The following TOP1 variants were observed in gnomAD, a reference collection of about 807,000 sequenced individuals.
The protein encoded by TOP1 is DNA topoisomerase I.
A neutral mutation model predicts 111.1 loss-of-function variants in TOP1; 10 were observed. That is an observed-to-expected ratio of 0.09 (90% CI 0.06 to 0.15). The LOEUF (loss-of-function observed/expected upper bound fraction) is 0.15, where lower values mean the gene tolerates loss of function less well. Among genes scored for constraint, TOP1 ranks in the 10% least tolerant of loss-of-function variants. The pLI, the probability that TOP1 is intolerant of heterozygous loss-of-function variation, is 1.00. For synonymous variants in TOP1, 271 were observed against 302.9 expected, an observed-to-expected ratio of 0.89 and a Z score of 1.10; for missense variants, 474 against 926.7, an observed-to-expected ratio of 0.51 and a Z score of 6.34.
chr20:41,103,318 C>CTAACTTAGATCTTCTTAGAATG (rs1325640297), intron 13 of TOP1, among the ~76,000 whole-genome samples: 1 of 152,174 alleles, frequency 6.6e-6, no homozygotes, highest in Admixed American at 6.5e-5. Context: ...GCTAGTAACT[C>CTAACTTAGATCTTCTTAGAATG]TAACTTAGAT....
At chr20:41,045,582 C>T (rs1174093497) in intron 2 of TOP1, among the ~76,000 whole-genome samples, 1 of 152,212 alleles carries the variant, frequency 6.6e-6, no homozygotes. Flanking sequence ...GTTGACAAAA[C>T]AGATGAACTT....
Position 41,122,238 on chromosome 20 carries a change from T to C in TOP1, c.2195+83T>C. 3 of 1,428,368 alleles carry C rather than the reference T, an allele frequency of 2.1e-6. No homozygotes were observed. Among genetic ancestry groups the C allele is most frequent in the South Asian group, 2.5e-5 (2 of 81,044 alleles). The allele number at this position is 1,428,368 out of a possible 1,614,324, so 88.5% of individuals were successfully genotyped here. A position where few individuals can be genotyped will look rare whatever the true frequency, so the allele number is the denominator to read the frequency against. On this transcript the variant is annotated intron_variant, in intron 20 of 20. Transcript: ENST00000361337. The surrounding 1 kb of genome is among the most constrained non-coding windows in gnomAD (Gnocchi z 5.4). ...TCCGAGAGCACTGGTGGCCTTCACA[T>C]GCCATTCCTAAGCTACACACTTTAG...
rs1212753161 is a variant in TOP1 at position 41,118,332 on chromosome 20, G to C, written c.1950+36G>C. On this transcript the variant is annotated intron_variant, in intron 18 of 20. Coordinates refer to ENST00000361337, the MANE Select transcript of TOP1 (RefSeq NM_003286.4). This position sits in a 1 kb window ranked among gnomAD's most constrained non-coding sequence, Gnocchi z 4.6. ...TAAAATGAAGGGAACTGTGTCTGCT[G>C]TGGGCAGATTATCTGCGAATGAGAG... 3.1e-6 allele frequency: 5 copies of C among 1,609,382 alleles called. No individual in the cohort carries two copies. The highest frequency in any genetic ancestry group is 1.1e-5 in the South Asian group (1 of 90,832).
intron 3 of TOP1, chr20:41,072,623 G>A (rs537777142): frequency 3.0e-6 from 3 of 985,288 alleles, no homozygotes; most frequent in Non-Finnish European, 3.6e-6. Flanking sequence ...TGGCAGTGGG[G>A]TTTGCTCTTT....
chr20:41,077,786 C>T (rs6124311), intron 5 of TOP1, 149 bp downstream of exon 5: 1 of 673,200 alleles, frequency 1.5e-6, no homozygotes. Context: ...AAGACTCGGT[C>T]TAAGCCAACC....
At position 41,100,223 on chromosome 20, in the gene TOP1, T is replaced by G; in HGVS notation, c.1143T>G (p.Asp381Glu). The stretch of plus-strand genomic sequence containing the variant: ...TGAAGAGACGAATCATGCCCGAGGA[T>G]ATAATCATCAACTGTAGCAAGTGAG... ...GMLKRRIMPE[D>E]IIINCSKDAK... The change falls in exon 12 of 21, where the codon GAT becomes GAG. Residue 381 changes from aspartate (D) to glutamate (E), a missense_variant. This residue lies in a region of TOP1 where 22 missense variants were observed against 30.4 expected (regional missense o/e 0.72). Transcript: ENST00000361337. The surrounding 1 kb of genome is among the most constrained non-coding windows in gnomAD (Gnocchi z 4.4). 1 of 1,613,600 alleles carries G rather than the reference T, an allele frequency of 6.2e-7. No individual in the cohort carries two copies. The highest frequency in any genetic ancestry group is 8.5e-7 in the Non-Finnish European group (1 of 1,179,774).
rs1158884313 is a variant in TOP1, at chr20:41,061,858, C to T, written c.155+368C>T. Reference sequence around the variant, plus strand: ...GGAGACCTGATTTTTTTTCTTCTTTCTATATTTTAAAGAGTTTACATTAAA... The same window carrying T: ...GGAGACCTGATTTTTTTTCTTCTTTTTATATTTTAAAGAGTTTACATTAAA... On this transcript the variant is annotated intron_variant, in intron 3 of 20. Transcript: ENST00000361337. The surrounding 1 kb of genome is among the most constrained non-coding windows in gnomAD (Gnocchi z 4.6). Among the ~76,000 whole-genome samples, 3 of 151,940 alleles carry T rather than the reference C, an allele frequency of 2.0e-5. No individual in the cohort carries two copies. The highest frequency in any genetic ancestry group is 4.4e-5 in the Non-Finnish European group (3 of 67,964).
At position 41,066,679 on chromosome 20, in the gene TOP1, C is replaced by T. The variant is rs1230940381; in HGVS notation, c.155+5189C>T. Among the ~76,000 whole-genome samples the T allele has an allele frequency of 7.3e-5, 11 of 151,426 alleles. No homozygotes were observed. In the East Asian group the frequency reaches 1.4e-3, roughly 19 times the overall value. On this transcript the variant is annotated intron_variant, in intron 3 of 20. Transcript: ENST00000361337. ...ATGCCATTCTCCTGCCTCAGCCTCC[C>T]GAGTAGCTGGGACTACAGGTGCCCG...
intron 8 of TOP1, among the ~76,000 whole-genome samples, chr20:41,089,797 A>G (rs537462610): frequency 6.6e-6 from 1 of 152,176 alleles, no homozygotes; most frequent in East Asian, 1.9e-4. Flanking sequence ...ACCTTCACCA[A>G]CACTTGTTAT....
At position 41,079,812 on chromosome 20, in the gene TOP1, A is replaced by G. The variant is rs190727133; in HGVS notation, c.336-273A>G. ...AGTGGTTCGTGCCATGCTGGCAAAG[A>G]TAGCTAAGAAATAGTGAGAAAGAAT... On this transcript the variant is annotated intron_variant, in intron 5 of 20. Transcript: ENST00000361337. The surrounding 1 kb of genome is among the most constrained non-coding windows in gnomAD (Gnocchi z 4.0). 6.0e-4 allele frequency among the ~76,000 whole-genome samples: 92 copies of G among 152,362 alleles called. No homozygotes were observed. Among genetic ancestry groups the G allele is most frequent in the African/African-American group, 2.0e-3 (85 of 41,582 alleles).
Position 41,101,676 on chromosome 20 carries a change from T to C in TOP1, c.1308+323T>C, listed in dbSNP as rs1049895717. On this transcript the variant is annotated intron_variant, in intron 13 of 20. Transcript: ENST00000361337. The surrounding 1 kb of genome is among the most constrained non-coding windows in gnomAD (Gnocchi z 4.1). ...TGCCTTCATATTGCTTAACGTCCAG[T>C]GGTCAGAATGTGTTGAAGTATGGTG... Among the ~76,000 whole-genome samples, 1 of 152,226 alleles carries C rather than the reference T, an allele frequency of 6.6e-6. No homozygotes were observed. The highest frequency in any genetic ancestry group is 1.5e-5 in the Non-Finnish European group (1 of 68,040).
At chr20:41,084,916 C>G (rs2033829713) in intron 8 of TOP1, among the ~76,000 whole-genome samples, 1 of 151,922 alleles carries the variant, frequency 6.6e-6, no homozygotes. Context: ...ACTGCCTGTT[C>G]AACAACAGAA....
At chr20:41,111,290 T>TA (rs2145962402) in intron 13 of TOP1, among the ~76,000 whole-genome samples, 1 of 152,306 alleles carries the variant, frequency 6.6e-6, no homozygotes, top group Admixed American at 6.5e-5. Context: ...GAGGACAGCT[T>TA]ATATCTCACC....
intron 3 of TOP1, among the ~76,000 whole-genome samples, chr20:41,063,693 C>T (rs761511134): frequency 2.0e-5 from 3 of 152,076 alleles, no homozygotes; most frequent in East Asian, 1.9e-4. Flanking sequence ...TGATTAGGGA[C>T]GTGGAGCATT....
chr20:41,058,006 G>A lies in TOP1; in HGVS notation c.59-3388G>A, dbSNP rs149089818. Reference sequence around the variant, plus strand: ...CTTAGCATTTTAAAATTATAGACTCGAGGTTTTTAGAAGAAGCTGAAGGGT... The same window carrying A: ...CTTAGCATTTTAAAATTATAGACTCAAGGTTTTTAGAAGAAGCTGAAGGGT... On this transcript the variant is annotated intron_variant, in intron 2 of 20. Transcript: ENST00000361337. The surrounding 1 kb of genome is among the most constrained non-coding windows in gnomAD (Gnocchi z 4.2). Among the ~76,000 whole-genome samples, 328 of 152,284 alleles carry A rather than the reference G, an allele frequency of 2.2e-3. No homozygotes were observed. The highest frequency in any genetic ancestry group is 6.5e-3 in the African/African-American group (271 of 41,538).
chr20:41,093,429 C>G (rs1021404986), intron 9 of TOP1, among the ~76,000 whole-genome samples: 3 of 152,030 alleles, frequency 2.0e-5, no homozygotes, highest in African/African-American at 7.3e-5. Flanking sequence ...CCCTCTTCTT[C>G]TTTCCCCTTT....
At chr20:41,063,484 G>A (rs1319343594) in intron 3 of TOP1, among the ~76,000 whole-genome samples, 1 of 152,144 alleles carries the variant, frequency 6.6e-6, no homozygotes, top group Non-Finnish European at 1.5e-5. Context: ...TCAGAAGGTA[G>A]TTGTTTTTTT....
In TOP1 at chr20:41,076,652, G is replaced by A. The variant is rs1453980257; in HGVS notation, c.279+358G>A. ...AAATTTAGTGATGCTGGTGTCTTTT[G>A]TGGCATTTGGTTCCAGCATAACCAG... On this transcript the variant is annotated intron_variant, in intron 4 of 20. Coordinates refer to ENST00000361337, the MANE Select transcript of TOP1 (RefSeq NM_003286.4). 3.3e-5 allele frequency among the ~76,000 whole-genome samples: 5 copies of A among 152,314 alleles called. No homozygotes were observed. In the East Asian group the frequency reaches 7.7e-4, roughly 24 times the overall value.
Position 41,072,023 on chromosome 20 carries a change from A to G in TOP1, c.156-4148A>G, listed in dbSNP as rs181304936. Among the ~76,000 whole-genome samples, 93 of 152,240 alleles carry G rather than the reference A, an allele frequency of 6.1e-4. 1 individual carries two copies. The East Asian group carries it at 0.011, about 18-fold the overall frequency. On this transcript the variant is annotated intron_variant, in intron 3 of 20. Transcript: ENST00000361337. ...TTGTCCAACCTTTGGTTTCCTTCCT[A>G]TGGTTGATATTAAGCCTTTCTTCTA...
Sources: allele counts gnomAD v4.1 joint callset (sites outside exome capture counted in the v4.1 genomes callset), GRCh38; gene constraint gnomAD v4.1.1; regional missense constraint gnomAD v4.1.1; non-coding constraint Gnocchi (gnomAD v3.1); transcripts MANE v1.5; gene names NCBI Gene and HGNC (gene_info 2026-07-23, HGNC 2026-07-21).